The following TSACC variants were observed in gnomAD, a reference collection of about 807,000 sequenced individuals.
TSACC encodes the protein TSSK6 activating cochaperone, also known as TSSK6-activating co-chaperone protein.
Under a neutral mutation model 6.9 loss-of-function variants are expected in TSACC, and 3 were observed. The ratio of observed to expected loss-of-function variants is 0.43; its 90% CI spans 0.20 to 1.12. TSACC has a LOEUF of 1.12. TSACC is among the 50% of genes most tolerant of loss of function. The probability of loss-of-function intolerance (pLI) is 0.28; values close to 1 mark genes in which losing one functional copy is unlikely to be tolerated. For synonymous variants in TSACC, 54 were observed against 55.1 expected, an observed-to-expected ratio of 0.98 and a Z score of 0.09; for missense variants, 137 against 143.9, an observed-to-expected ratio of 0.95 and a Z score of 0.24.
intron 2 of TSACC, among the ~76,000 whole-genome samples, chr1:156,344,023 A>C (rs1666034234): frequency 6.6e-6 from 1 of 152,118 alleles, no homozygotes; most frequent in Non-Finnish European, 1.5e-5. Flanking sequence ...TACAAGCATG[A>C]GCCACCGTGC....
upstream of TSACC, chr1:156,338,318 G>T: frequency 1.2e-6 from 1 of 823,316 alleles, no homozygotes; most frequent in Non-Finnish European, 2.0e-6. Flanking sequence ...TCTCAAGGTA[G>T]TCGCCAATCA....
chr1:156,338,069 G>T (rs1237398559), upstream of TSACC: 3 of 1,455,100 alleles, frequency 2.1e-6, no homozygotes, highest in South Asian at 1.2e-5. Context: ...CCCGGTCAGT[G>T]GGGGACGGAG....
intron 1 of TSACC, 56 bp downstream of exon 1, chr1:156,338,661 A>C (rs1190305549): frequency 1.8e-5 from 3 of 170,036 alleles, no homozygotes; most frequent in Non-Finnish European, 3.8e-5. Flanking sequence ...GTGAAGGCTA[A>C]GAAAGGCTTC....
rs141009336 is a variant in TSACC at position 156,346,888 on chromosome 1, C to A, written c.284C>A (p.Thr95Lys). The A allele has an allele frequency of 3.1e-6, 5 of 1,614,058 alleles. No individual in the cohort carries two copies. The highest frequency in any genetic ancestry group is 1.3e-5 in the African/African-American group (1 of 74,906). The change falls in exon 4 of 4, where the codon ACA (threonine) becomes AAA (lysine). Residue 95 changes from threonine to lysine, a missense_variant. Transcript: ENST00000368254. ...AVLEHLQASV[T>K]QLAPGRGSNN... ...TTGGAACATTTACAGGCATCTGTGA[C>A]ACAACTGGCTCCTGGGAGGGGAAGC... is the stretch of plus-strand genomic sequence containing the variant.
chr1:156,344,922 T>C lies in TSACC; in HGVS notation c.163+214T>C, dbSNP rs565364231. Among the ~76,000 whole-genome samples the C allele has an allele frequency of 5.2e-5, 8 of 152,384 alleles. No individual in the cohort carries two copies. In the South Asian group the frequency reaches 1.7e-3, roughly 32 times the overall value. ...TTGTTTCCTTGCTTGTTAGCACTTT[T>C]GCTAGACTAGGCAGGAGTGAAGTGA... On this transcript the variant is annotated intron_variant, in intron 3 of 3. Coordinates refer to ENST00000368254, the MANE Select transcript of TSACC (RefSeq NM_001304817.2).
At chr1:156,338,379 G>T (rs1665563018), upstream of TSACC, 2 of 597,578 alleles carry the variant, frequency 3.3e-6, no homozygotes, top group Non-Finnish European at 6.0e-6. Flanking sequence ...GACAGCCTTA[G>T]TCCCGCCCCC....
intron 1 of TSACC, among the ~76,000 whole-genome samples, chr1:156,339,252 G>C (rs1665668807): frequency 6.9e-6 from 1 of 144,320 alleles, no homozygotes; most frequent in African/African-American, 2.5e-5. Context: ...GACAGAGCGA[G>C]ACTCCATCTC....
chr1:156,346,807 G>A lies in TSACC; in HGVS notation c.203G>A (p.Cys68Tyr), dbSNP rs1358171875. The part of the protein sequence containing the change: ...KPKECLGLLE[C>Y]MYANLQLQTQ... Reference sequence around the variant, plus strand: ...AAGGAATGCCTAGGACTCCTGGAATGTATGTATGCAAACCTCCAGCTTCAG... The same window carrying A: ...AAGGAATGCCTAGGACTCCTGGAATATATGTATGCAAACCTCCAGCTTCAG... The change falls in exon 4 of 4, where the codon TGT becomes TAT. Residue 68 changes from cysteine to tyrosine, a missense_variant. Coordinates refer to ENST00000368254, the MANE Select transcript of TSACC (RefSeq NM_001304817.2). 2 of 1,614,196 alleles carry A rather than the reference G, an allele frequency of 1.2e-6. No homozygotes were observed. The highest frequency in any genetic ancestry group is 1.1e-5 in the South Asian group (1 of 91,082).
intron 2 of TSACC, among the ~76,000 whole-genome samples, chr1:156,340,657 C>T (rs989486612): frequency 2.0e-5 from 3 of 150,910 alleles, no homozygotes; most frequent in South Asian, 2.1e-4. Flanking sequence ...GATGGGGTTT[C>T]GCCATCTTGG....
At chr1:156,337,577 A>AT (rs1372199965), upstream of TSACC, 1 of 165,498 alleles carries the variant, frequency 6.0e-6, no homozygotes, top group Non-Finnish European at 1.3e-5. Context: ...GGGAAAAGGG[A>AT]TTGCTGTTCA....
At chr1:156,345,994 G>C (rs957553947) in intron 3 of TSACC, among the ~76,000 whole-genome samples, 2 of 151,708 alleles carry the variant, frequency 1.3e-5, no homozygotes, top group African/African-American at 2.4e-5. Flanking sequence ...AGGAGTTCGA[G>C]ACCAGCCTGG....
In TSACC at chr1:156,342,065, AAAAAAAAAAAAAAG is replaced by A. The variant is rs1218290886; in HGVS notation, c.34+2278_34+2291del. On this transcript the variant is annotated intron_variant, in intron 2 of 3. Coordinates refer to ENST00000368254, the MANE Select transcript of TSACC (RefSeq NM_001304817.2). ...CGACAGAGCAAGACTCCGTCTCCAA[AAAAAAAAAAAAAAG>A]AAAGAAAAAAAAATGCATTCTCCTA... is the stretch of plus-strand genomic sequence containing the variant. 4.7e-5 allele frequency among the ~76,000 whole-genome samples: 7 copies of A among 150,146 alleles called. No homozygotes were observed. The East Asian group carries it at 1.2e-3, about 25-fold the overall frequency.
At position 156,339,650 on chromosome 1, in the gene TSACC, A is replaced by C. The variant is rs543009951; in HGVS notation, c.-108A>C. 2.0e-5 allele frequency: 29 copies of C among 1,422,996 alleles called. No individual in the cohort carries two copies. In the East Asian group the frequency reaches 6.7e-4, roughly 33 times the overall value. The allele number at this position is 1,422,996 out of a possible 1,614,324, so 88.1% of individuals were successfully genotyped here. A position where few individuals can be genotyped will look rare whatever the true frequency, so the allele number is the denominator to read the frequency against. On this transcript the variant is annotated 5_prime_UTR_variant, in exon 2 of 4. Coordinates refer to ENST00000368254, the MANE Select transcript of TSACC (RefSeq NM_001304817.2). ...CCTCTGCAGATTGGAACAGGCTGAG[A>C]TCTGCTGGAGACAACTTAGGAAATT...
At chr1:156,340,333 G>A (rs1438359885) in intron 2 of TSACC, among the ~76,000 whole-genome samples, 1 of 151,822 alleles carries the variant, frequency 6.6e-6, no homozygotes, top group East Asian at 1.9e-4. Context: ...TAATTTTTTT[G>A]TGTTTTTAGT....
At chr1:156,340,557 G>A (rs2101702619) in intron 2 of TSACC, among the ~76,000 whole-genome samples, 1 of 151,520 alleles carries the variant, frequency 6.6e-6, no homozygotes. Context: ...TGCCTCCCGG[G>A]TTCAAGCAAT....
chr1:156,343,695 T>C (rs1666016711), intron 2 of TSACC, among the ~76,000 whole-genome samples: 1 of 152,118 alleles, frequency 6.6e-6, no homozygotes. Context: ...AGGGGCTTGA[T>C]TGTGGTCTCA....
intron 2 of TSACC, among the ~76,000 whole-genome samples, chr1:156,341,072 C>T (rs1039847001): frequency 6.6e-6 from 1 of 152,094 alleles, no homozygotes; most frequent in African/African-American, 2.4e-5. Flanking sequence ...CCACTCTGGC[C>T]TCCCAAAGTC....
intron 2 of TSACC, among the ~76,000 whole-genome samples, chr1:156,342,429 T>G (rs1188172057): frequency 6.6e-6 from 1 of 152,182 alleles, no homozygotes. Context: ...TCAGTGACCT[T>G]CCAGACAGAA....
At chr1:156,341,370 C>T (rs1665874240) in intron 2 of TSACC, among the ~76,000 whole-genome samples, 1 of 152,162 alleles carries the variant, frequency 6.6e-6, no homozygotes, top group Admixed American at 6.5e-5. Context: ...TCACGTTCCC[C>T]AGTGCCACAA....
Sources: gnomAD v4.1 joint callset for allele counts (sites outside exome capture counted in the v4.1 genomes callset) on GRCh38, gnomAD v4.1.1 for gene constraint, MANE v1.5 for transcripts, NCBI Gene and HGNC (gene_info 2026-07-23, HGNC 2026-07-21) for gene names.